Variants in HCN2 observed in about 807,000 individuals in gnomAD.
The protein encoded by HCN2 is hyperpolarization activated cyclic nucleotide gated potassium and sodium channel 2, also known as potassium/sodium hyperpolarization-activated cyclic nucleotide-gated channel 2.
A neutral mutation model predicts 52.3 loss-of-function variants in HCN2; 20 were observed. The ratio of observed to expected loss-of-function variants is 0.38; its 90% CI spans 0.27 to 0.56. The LOEUF is 0.56. Among genes scored for constraint, HCN2 ranks in the 20% least tolerant of loss-of-function variants. The pLI, the probability that HCN2 is intolerant of heterozygous loss-of-function variation, is 0.71. For synonymous variants in HCN2, 694 were observed against 537.0 expected (o/e 1.29, Z -4.04); for missense variants, 981 against 1,207.7 (o/e 0.81, Z 2.78).
At chr19:615,742 G>A (rs528431464) in intron 7 of HCN2, 53 bp from the exon 8 acceptor site, 3 of 1,587,072 alleles carry the variant, frequency 1.9e-6, no homozygotes, top group East Asian at 2.3e-5. Flanking sequence ...CTCGGTGCCC[G>A]CTGTACGCAG....
rs201009163 is a variant in HCN2 at position 615,784 on chromosome 19, C to T, written c.1991-11C>T. On this transcript the variant is annotated splice_polypyrimidine_tract_variant and intron_variant, in intron 7 of 7. Transcript: ENST00000251287. ...CTCCCTGTGCACACGCTAACGCCCC[C>T]TCTCCCGCAGGCAAGAAGAATTCCA... 42 of 1,610,562 alleles carry T rather than the reference C, an allele frequency of 2.6e-5. No individual in the cohort carries two copies. The highest frequency in any genetic ancestry group is 6.7e-5 in the Admixed American group (4 of 59,866).
intron 1 of HCN2, among the ~76,000 whole-genome samples, chr19:601,616 C>G (rs1298795736): frequency 1.3e-5 from 2 of 151,954 alleles, no homozygotes; most frequent in Non-Finnish European, 2.9e-5. Flanking sequence ...GGGTGCTCGT[C>G]CGTCCTTGTT....
intron 1 of HCN2, among the ~76,000 whole-genome samples, chr19:597,773 C>T (rs1983079664): frequency 2.0e-5 from 3 of 150,528 alleles, no homozygotes. Context: ...TCTAGGTCCC[C>T]CTTGGTGGTT....
At position 616,999 on chromosome 19, in the gene HCN2, A is replaced by G. The variant is rs8103738; in HGVS notation, c.*525A>G. 242,269 of 483,528 alleles carry G rather than the reference A, an allele frequency of 0.5. 62,552 individuals carry two copies. Among genetic ancestry groups the G allele is most frequent in the African/African-American group, 0.7 (35,742 of 51,164 alleles). The allele number at this position is 483,528 out of a possible 1,614,324, so 30.0% of individuals were successfully genotyped here. The stretch of plus-strand genomic sequence containing the variant: ...GCCTCCCTCCAGCACTGGCACCGAG[A>G]GGCAGGCCTGGCTGCGCAGGGCGCG... On this transcript the variant is annotated 3_prime_UTR_variant, in exon 8 of 8. Coordinates refer to ENST00000251287, the MANE Select transcript of HCN2 (RefSeq NM_001194.4).
At chr19:601,091 G>C (rs914994991) in intron 1 of HCN2, among the ~76,000 whole-genome samples, 28 of 152,130 alleles carry the variant, frequency 1.8e-4, no homozygotes, top group African/African-American at 6.8e-4. Context: ...TAGGCAGAAG[G>C]ATCATGAGGT....
At position 615,893 on chromosome 19, in the gene HCN2, T is replaced by A. The variant is rs1167042206; in HGVS notation, c.2089T>A (p.Tyr697Asn). The A allele has an allele frequency of 6.2e-7, 1 of 1,612,770 alleles. No homozygotes were observed. The highest frequency in any genetic ancestry group is 1.1e-5 in the South Asian group (1 of 91,048). Residue 697 changes from tyrosine (Y) to asparagine (N), a missense_variant, in exon 8 of 8, where the codon TAC (tyrosine) becomes AAC (asparagine). Around this residue, in one of 6 missense-constraint regions of HCN2, gnomAD observed 368 missense variants for 314.8 expected, o/e 1.17. Transcript: ENST00000251287. ...CGCCATCATCCAGGAGATCGTCAAG[T>A]ACGACCGCGAGATGGTGCAGCAGGC... ...ENAIIQEIVK[Y>N]DREMVQQAEL...
At chr19:605,309 G>A in intron 3 of HCN2, 87 bp downstream of exon 3, 2 of 1,194,118 alleles carry the variant, frequency 1.7e-6, no homozygotes, top group Non-Finnish European at 1.1e-6. Context: ...CTTACAGAGG[G>A]TTGAACCCAA....
At chr19:603,270 GA>G (rs1303997192) in intron 1 of HCN2, among the ~76,000 whole-genome samples, 1 of 131,142 alleles carries the variant, frequency 7.6e-6, no homozygotes, top group Non-Finnish European at 1.6e-5. Context: ...TGCCTGGGGG[GA>G]AGGCACCAGC....
chr19:616,869 A>C lies in HCN2; in HGVS notation c.*395A>C. 4.8e-6 allele frequency: 1 copy of C among 207,118 alleles called. No individual in the cohort carries two copies. Among genetic ancestry groups the C allele is most frequent in the Non-Finnish European group, 9.3e-6 (1 of 107,028 alleles). 12.8% of individuals were successfully genotyped at this position (207,118 alleles called of 1,614,324 possible). A position where few individuals can be genotyped will look rare whatever the true frequency, so the allele number is the denominator to read the frequency against. On this transcript the variant is annotated 3_prime_UTR_variant, in exon 8 of 8. Transcript: ENST00000251287. ...CCGAGGAGGATCGTTTTCTAAGTGC[A>C]ATACTTGGCCCGCCGGCTTCCCGCT...
At chr19:604,798 G>T (rs1188569134) in intron 2 of HCN2, among the ~76,000 whole-genome samples, 5 of 122,820 alleles carry the variant, frequency 4.1e-5, no homozygotes, top group African/African-American at 6.2e-5. Flanking sequence ...GATTTGGGGG[G>T]TGTCCTAGGG....
rs948928693 is a variant in HCN2 at position 591,040 on chromosome 19, C to A, written c.632+463C>A. ...CACCCGCGCCCCGCCTGCGAGGAGG[C>A]GCGCCCGGGGCCGCGGGCCTGGAAA... On this transcript the variant is annotated intron_variant, in intron 1 of 7. Coordinates refer to ENST00000251287, the MANE Select transcript of HCN2 (RefSeq NM_001194.4). This position sits in a 1 kb window ranked among gnomAD's most constrained non-coding sequence, Gnocchi z 4.1. 11 of 152,086 alleles carry A rather than the reference C, an allele frequency of 7.2e-5. No homozygotes were observed. Among genetic ancestry groups the A allele is most frequent in the Admixed American group, 3.9e-4 (6 of 15,282 alleles). The allele number at this position is 152,086 out of a possible 1,614,324, so 9.4% of individuals were successfully genotyped here. A position where few individuals can be genotyped will look rare whatever the true frequency, so the allele number is the denominator to read the frequency against.
chr19:614,045 G>A (rs1381572275), intron 7 of HCN2, 29 bp downstream of exon 7: 1 of 1,520,036 alleles, frequency 6.6e-7, no homozygotes, highest in Non-Finnish European at 8.8e-7. Context: ...TGGCCGGGGC[G>A]GGTGCCCTGG....
chr19:611,802 C>T (rs563248926), intron 5 of HCN2, among the ~76,000 whole-genome samples: 20 of 152,184 alleles, frequency 1.3e-4, no homozygotes, highest in Non-Finnish European at 2.4e-4. Context: ...TGGCAACCCA[C>T]GCTACTTAGT....
Position 592,250 on chromosome 19 carries a change from C to G in HCN2, c.632+1673C>G, listed in dbSNP as rs917074392. Among the ~76,000 whole-genome samples the G allele has an allele frequency of 6.6e-6, 1 of 152,220 alleles. No individual in the cohort carries two copies. The highest frequency in any genetic ancestry group is 6.5e-5 in the Admixed American group (1 of 15,292). ...CCTCCGTCCCCTCCAGCATGACCTT[C>G]GACAGAGATGGGTGCACCGCAGCGT... On this transcript the variant is annotated intron_variant, in intron 1 of 7. Transcript: ENST00000251287. The surrounding 1 kb of genome is among the most constrained non-coding windows in gnomAD (Gnocchi z 4.8).
In HCN2 at chr19:590,078, C is replaced by T; in HGVS notation, c.133C>T (p.Pro45Ser). 3.3e-6 allele frequency: 2 copies of T among 604,380 alleles called. No individual in the cohort carries two copies. The highest frequency in any genetic ancestry group is 4.1e-6 in the Non-Finnish European group (2 of 489,172). The allele number at this position is 604,380 out of a possible 1,614,324, so 37.4% of individuals were successfully genotyped here. ...PPPPPPPAPP[P>S]GPGPAPPQHP... The stretch of plus-strand genomic sequence containing the variant: ...GCCGCCGCCGCCGCCCGCGCCCCCC[C>T]CGGGCCCCGGGCCCGCGCCCCCCCA... Residue 45 changes from proline to serine, a missense_variant, in exon 1 of 8, where the codon CCG becomes TCG. Around this residue, in one of 6 missense-constraint regions of HCN2, gnomAD observed 215 missense variants for 179.4 expected, o/e 1.20. Transcript: ENST00000251287. The surrounding 1 kb of genome is among the most constrained non-coding windows in gnomAD (Gnocchi z 7.2).
At chr19:609,555 C>G (rs957307785) in intron 4 of HCN2, among the ~76,000 whole-genome samples, 1 of 152,232 alleles carries the variant, frequency 6.6e-6, no homozygotes, top group African/African-American at 2.4e-5. Context: ...CGCCTGAGGT[C>G]AGGAGTTTAA....
intron 5 of HCN2, among the ~76,000 whole-genome samples, chr19:611,238 T>C (rs913820573): frequency 7.9e-5 from 12 of 152,366 alleles, no homozygotes; most frequent in African/African-American, 2.6e-4. Context: ...CAAACAGTTA[T>C]TGAGCGCCGA....
intron 4 of HCN2, among the ~76,000 whole-genome samples, chr19:609,213 G>A (rs935692064): frequency 2.0e-5 from 3 of 152,300 alleles, no homozygotes; most frequent in Middle Eastern, 3.4e-3. Context: ...GGGCAGCTGC[G>A]GCCGGGCGGG....
chr19:615,732 C>T (rs2144538405), intron 7 of HCN2, 63 bp from the exon 8 acceptor site: 2 of 1,560,630 alleles, frequency 1.3e-6, no homozygotes, highest in Non-Finnish European at 1.8e-6. Context: ...AGAGTAGGTG[C>T]TCGGTGCCCG....
Sources: gnomAD v4.1 joint callset for allele counts (sites outside exome capture counted in the v4.1 genomes callset) on GRCh38, gnomAD v4.1.1 for gene constraint, gnomAD v4.1.1 regional missense constraint, Gnocchi (gnomAD v3.1) non-coding constraint, MANE v1.5 for transcripts, NCBI Gene and HGNC (gene_info 2026-07-23, HGNC 2026-07-21) for gene names.